GABRG1: variants seen among roughly 807,000 people sequenced by gnomAD.
GABRG1 encodes gamma-aminobutyric acid receptor subunit gamma-1.
A neutral mutation model predicts 49.8 loss-of-function variants in GABRG1; 49 were observed. The ratio of observed to expected loss-of-function variants is 0.98; its 90% confidence interval spans 0.78 to 1.25. The LOEUF is 1.25. Among genes scored for constraint, GABRG1 ranks in the 50% most tolerant of loss-of-function variants. The pLI is 0.00. For missense variants in GABRG1, 552 were observed against 552.3 expected (o/e 1.00, Z 0.01); for synonymous variants, 232 against 185.1 (o/e 1.25, Z -2.06).
intron 2 of GABRG1, among the ~76,000 whole-genome samples, chr4:46,090,371 T>C (rs1415871757): frequency 6.6e-5 from 10 of 152,028 alleles, no homozygotes; most frequent in African/African-American, 1.9e-4. Context: ...AGGGCAACTA[T>C]CAAAATACCT....
At chr4:46,066,593 A>G (rs1427957946) in intron 3 of GABRG1, among the ~76,000 whole-genome samples, 2 of 152,168 alleles carry the variant, frequency 1.3e-5, no homozygotes, top group East Asian at 3.8e-4. Flanking sequence ...TCCATAACAA[A>G]TGCATATAAT....
intron 3 of GABRG1, among the ~76,000 whole-genome samples, chr4:46,066,195 A>G (rs1718914448): frequency 6.6e-6 from 1 of 152,204 alleles, no homozygotes; most frequent in Admixed American, 6.5e-5. Flanking sequence ...CTTAATGTCA[A>G]CAATTATATT....
At chr4:46,082,765 G>A (rs758235413) in intron 3 of GABRG1, among the ~76,000 whole-genome samples, 7 of 150,992 alleles carry the variant, frequency 4.6e-5, no homozygotes, top group East Asian at 3.9e-4. Flanking sequence ...ATCTTCTCTC[G>A]GTTTTGCTCC....
At chr4:46,045,097 A>C (rs1404432354) in intron 8 of GABRG1, among the ~76,000 whole-genome samples, 1 of 152,124 alleles carries the variant, frequency 6.6e-6, no homozygotes, top group Non-Finnish European at 1.5e-5. Context: ...TTTTGAGGTA[A>C]GTGAACAATA....
At chr4:46,123,771 G>A (rs367597895) in intron 1 of GABRG1, 39 bp downstream of exon 1, 12 of 1,427,926 alleles carry the variant, frequency 8.4e-6, no homozygotes, top group Non-Finnish European at 1.2e-5. Flanking sequence ...GAAAGGGGTA[G>A]ATAGCAAAGA....
chr4:46,051,739 CA>C, intron 7 of GABRG1, 101 bp from the exon 8 acceptor site: 2 of 648,174 alleles, frequency 3.1e-6, no homozygotes, highest in Non-Finnish European at 5.2e-6. Flanking sequence ...ACAATAGAAA[CA>C]AAAATATGAT....
At chr4:46,123,079 C>T (rs1025904395) in intron 1 of GABRG1, among the ~76,000 whole-genome samples, 1 of 147,800 alleles carries the variant, frequency 6.8e-6, no homozygotes, top group African/African-American at 2.5e-5. Context: ...CTCTCTCTCT[C>T]TCTCTCTGTC....
intron 3 of GABRG1, among the ~76,000 whole-genome samples, chr4:46,072,398 G>A (rs1034636520): frequency 6.6e-6 from 1 of 152,014 alleles, no homozygotes; most frequent in African/African-American, 2.4e-5. Context: ...AACCATCACA[G>A]AGCTATTAAC....
In GABRG1 at chr4:46,054,990, ATAAAAACCC is replaced by A. The variant is rs1253918936; in HGVS notation, c.916+3218_916+3226del. On this transcript the variant is annotated intron_variant, in intron 7 of 8. Transcript: ENST00000295452. ...GTATGATATTGGCTGTGGGTTTGTCATAAAAACCCTAGAAGAAAACCTAGGCATTACCAT... is the reference window on the plus strand; with the variant it reads ...GTATGATATTGGCTGTGGGTTTGTCATAGAAGAAAACCTAGGCATTACCAT... Among the ~76,000 whole-genome samples, 77 of 96,002 alleles carry A rather than the reference ATAAAAACCC, an allele frequency of 8.0e-4. 7 individuals carry two copies. Among genetic ancestry groups the A allele is most frequent in the African/African-American group, 3.3e-3 (66 of 20,050 alleles). 63.0% of individuals were successfully genotyped at this position (96,002 alleles called of 152,430 possible). A position where few individuals can be genotyped will look rare whatever the true frequency, so the allele number is the denominator to read the frequency against.
chr4:46,090,931 AATACACACACACACACACACAC>A (rs1446191603), intron 2 of GABRG1, among the ~76,000 whole-genome samples: 15 of 122,660 alleles, frequency 1.2e-4, no homozygotes, highest in African/African-American at 3.4e-4. Flanking sequence ...ACTTCCCTGG[AATACACACACACACACACACAC>A]ATACACACAC....
chr4:46,068,934 T>G (rs1055196377), intron 3 of GABRG1, among the ~76,000 whole-genome samples: 1 of 152,104 alleles, frequency 6.6e-6, no homozygotes, highest in Non-Finnish European at 1.5e-5. Context: ...TGACATCCAA[T>G]GTACTTTACA....
At chr4:46,106,660 C>A (rs755860399) in intron 1 of GABRG1, among the ~76,000 whole-genome samples, 3 of 151,326 alleles carry the variant, frequency 2.0e-5, no homozygotes, top group Non-Finnish European at 4.4e-5. Flanking sequence ...ATGTTAAATT[C>A]AATAATTAGG....
intron 1 of GABRG1, among the ~76,000 whole-genome samples, chr4:46,113,016 C>T (rs923663248): frequency 6.6e-6 from 1 of 151,022 alleles, no homozygotes; most frequent in African/African-American, 2.4e-5. Flanking sequence ...TTCTTATCTC[C>T]CCAACCCTCA....
chr4:46,060,815 C>T (rs1213945020), intron 5 of GABRG1, among the ~76,000 whole-genome samples: 2 of 151,900 alleles, frequency 1.3e-5, no homozygotes, highest in Admixed American at 6.6e-5. Flanking sequence ...GTTTTAGAGT[C>T]AATAGAGGAT....
chr4:46,045,475 AT>A (rs1324261690), intron 8 of GABRG1, among the ~76,000 whole-genome samples: 1 of 152,050 alleles, frequency 6.6e-6, no homozygotes, highest in Non-Finnish European at 1.5e-5. Flanking sequence ...AATTGATAAC[AT>A]TCTCAAAAAT....
chr4:46,065,205 A>T (rs886611658), intron 4 of GABRG1, among the ~76,000 whole-genome samples, 159 bp downstream of exon 4: 1 of 152,190 alleles, frequency 6.6e-6, no homozygotes, highest in Non-Finnish European at 1.5e-5. Flanking sequence ...TGAGCTTAAA[A>T]AAGTATTGCC....
chr4:46,073,800 A>G (rs1719226407), intron 3 of GABRG1, among the ~76,000 whole-genome samples: 1 of 152,090 alleles, frequency 6.6e-6, no homozygotes, highest in East Asian at 1.9e-4. Flanking sequence ...ACAATGAATG[A>G]TACAATATAA....
At chr4:46,108,627 T>A (rs925910490) in intron 1 of GABRG1, among the ~76,000 whole-genome samples, 8 of 149,636 alleles carry the variant, frequency 5.3e-5, no homozygotes, top group African/African-American at 2.0e-4. Flanking sequence ...AGCGTGGGAT[T>A]TTTTTTTTGT....
intron 1 of GABRG1, among the ~76,000 whole-genome samples, chr4:46,107,383 C>T (rs1720585177): frequency 6.6e-6 from 1 of 151,014 alleles, no homozygotes; most frequent in Admixed American, 6.6e-5. Flanking sequence ...CATGATTATA[C>T]ATCTTACTAT....
Sources: allele counts gnomAD v4.1 joint callset (sites outside exome capture counted in the v4.1 genomes callset), GRCh38; gene constraint gnomAD v4.1.1; transcripts MANE v1.5; gene names NCBI Gene and HGNC (gene_info 2026-07-23, HGNC 2026-07-21).